The following RBMS3 variants were observed in gnomAD, a reference collection of about 807,000 sequenced individuals.
RBMS3 encodes the protein RNA binding motif single stranded interacting protein 3.
RBMS3 carries 27 observed loss-of-function variants against 66.8 expected under a neutral mutation model. The ratio of observed to expected loss-of-function variants is 0.40; its 90% CI spans 0.30 to 0.56. The LOEUF (loss-of-function observed/expected upper bound fraction) is 0.56. Among genes scored for constraint, RBMS3 ranks in the 20% least tolerant of loss-of-function variants. The pLI, the probability that RBMS3 is intolerant of heterozygous loss-of-function variation, is 0.40. For missense variants in RBMS3, 513 were observed against 549.5 expected (o/e 0.93, Z 0.66); for synonymous variants, 188 against 183.0 (o/e 1.03, Z -0.22).
chr3:29,322,718 A>T (rs2035080555), intron 1 of RBMS3, among the ~76,000 whole-genome samples: 1 of 152,022 alleles, frequency 6.6e-6, no homozygotes, highest in East Asian at 1.9e-4. Flanking sequence ...GGATTTGTGG[A>T]TGGTTCCTTG....
intron 10 of RBMS3, among the ~76,000 whole-genome samples, chr3:29,925,941 A>G (rs745728193): frequency 1.3e-5 from 2 of 152,220 alleles, no homozygotes; most frequent in Non-Finnish European, 2.9e-5. Context: ...TAAAACATGT[A>G]ACTAAGTTTC....
chr3:29,699,696 AT>A (rs1394962913), intron 4 of RBMS3, among the ~76,000 whole-genome samples: 1 of 152,192 alleles, frequency 6.6e-6, no homozygotes, highest in Non-Finnish European at 1.5e-5. Context: ...TCCGCATAGT[AT>A]GGTAATATTA....
intron 1 of RBMS3, among the ~76,000 whole-genome samples, chr3:29,308,971 A>G (rs2034203896): frequency 1.3e-5 from 2 of 151,722 alleles, no homozygotes; most frequent in Admixed American, 6.6e-5. Context: ...ACATTGGTTA[A>G]GACAGTAGAG....
At chr3:29,792,537 A>G (rs1000299257) in intron 6 of RBMS3, among the ~76,000 whole-genome samples, 3 of 152,174 alleles carry the variant, frequency 2.0e-5, no homozygotes, top group African/African-American at 7.2e-5. Context: ...CAGACTATCT[A>G]GATCAGAATC....
chr3:29,378,326 G>A (rs1165496774), intron 1 of RBMS3, among the ~76,000 whole-genome samples: 2 of 151,888 alleles, frequency 1.3e-5, no homozygotes, highest in African/African-American at 2.4e-5. Flanking sequence ...CAAAAAATTA[G>A]CCGGGGGTGG....
chr3:29,477,174 C>T (rs1390492249), intron 2 of RBMS3, among the ~76,000 whole-genome samples: 1 of 152,008 alleles, frequency 6.6e-6, no homozygotes, highest in South Asian at 2.1e-4. Context: ...ACTCTGTTTT[C>T]GTTTGACCCT....
intron 10 of RBMS3, 150 bp from the exon 11 acceptor site, chr3:29,935,936 C>T: frequency 1.6e-6 from 1 of 615,224 alleles, no homozygotes; most frequent in Non-Finnish European, 2.8e-6. Context: ...CATGAATGGA[C>T]ATAAAAATTA....
At chr3:29,765,189 C>A (rs376758031) in intron 6 of RBMS3, among the ~76,000 whole-genome samples, 14 of 151,914 alleles carry the variant, frequency 9.2e-5, no homozygotes, top group Middle Eastern at 3.5e-3. Flanking sequence ...TAGTAATTTG[C>A]CCTTGTTGAG....
intron 2 of RBMS3, among the ~76,000 whole-genome samples, chr3:29,461,065 C>T (rs897586989): frequency 1.3e-5 from 2 of 152,166 alleles, no homozygotes; most frequent in African/African-American, 4.8e-5. Context: ...CAAAATAGTT[C>T]ACAAATTTTA....
chr3:29,942,143 T>A (rs1317716373), intron 11 of RBMS3, among the ~76,000 whole-genome samples: 1 of 151,800 alleles, frequency 6.6e-6, no homozygotes, highest in Non-Finnish European at 1.5e-5. Context: ...CCATAATCCA[T>A]CCATAAACCA....
intron 4 of RBMS3, among the ~76,000 whole-genome samples, chr3:29,637,093 CAAAATTTGTTTCAGCAGGAAGCA>C (rs1388906897): frequency 6.6e-6 from 1 of 151,880 alleles, no homozygotes; most frequent in Non-Finnish European, 1.5e-5. Context: ...TGATGCCACT[CAAAATTTGTTTCAGCAGGAAGCA>C]ACACTTTCCA....
intron 2 of RBMS3, among the ~76,000 whole-genome samples, chr3:29,437,781 A>G (rs2041455952): frequency 6.6e-6 from 1 of 152,212 alleles, no homozygotes; most frequent in African/African-American, 2.4e-5. Flanking sequence ...CCCATATACA[A>G]AATAATGGAT....
At chr3:29,802,939 C>T (rs912347291) in intron 6 of RBMS3, among the ~76,000 whole-genome samples, 3 of 152,126 alleles carry the variant, frequency 2.0e-5, no homozygotes, top group African/African-American at 7.2e-5. Context: ...AAAACACAGA[C>T]TCTTGATCGA....
At chr3:29,341,554 A>G (rs1324881208) in intron 1 of RBMS3, among the ~76,000 whole-genome samples, 1 of 151,954 alleles carries the variant, frequency 6.6e-6, no homozygotes, top group African/African-American at 2.4e-5. Context: ...TTGACCAGCA[A>G]GGTTATTAAA....
rs115128849 is a variant in RBMS3 at position 29,384,260 on chromosome 3, G to A, written c.76-50483G>A. 8.6e-3 allele frequency among the ~76,000 whole-genome samples: 1,308 copies of A among 152,182 alleles called. 13 individuals are homozygous for A. Among genetic ancestry groups the A allele is most frequent in the Middle Eastern group, 0.031 (9 of 292 alleles). On this transcript the variant is annotated intron_variant, in intron 1 of 14. Coordinates refer to ENST00000383767, the MANE Select transcript of RBMS3 (RefSeq NM_001003793.3). The stretch of plus-strand genomic sequence containing the variant: ...GAACCCGGGAGGTTGAGGCTGCTGT[G>A]AGCCGTGATCGCACCACTATACTCC...
At chr3:29,304,927 A>AAT (rs1400853043) in intron 1 of RBMS3, among the ~76,000 whole-genome samples, 1 of 151,840 alleles carries the variant, frequency 6.6e-6, no homozygotes, top group Non-Finnish European at 1.5e-5. Flanking sequence ...CTACCATAAC[A>AAT]ATATATATCC....
intron 6 of RBMS3, among the ~76,000 whole-genome samples, chr3:29,808,231 A>G (rs2057619891): frequency 6.6e-6 from 1 of 151,904 alleles, no homozygotes; most frequent in African/African-American, 2.4e-5. Flanking sequence ...ATACCTCTGT[A>G]GCTGAGCATC....
At chr3:29,433,324 G>A (rs1181202139) in intron 1 of RBMS3, among the ~76,000 whole-genome samples, 2 of 152,078 alleles carry the variant, frequency 1.3e-5, no homozygotes, top group African/African-American at 2.4e-5. Context: ...ATCTTCAGAT[G>A]AGAACCCAGC....
At chr3:29,855,617 A>G (rs1376042995) in intron 6 of RBMS3, among the ~76,000 whole-genome samples, 1 of 152,226 alleles carries the variant, frequency 6.6e-6, no homozygotes, top group Non-Finnish European at 1.5e-5. Context: ...TAGGTAAGAA[A>G]GCCTTCCTGA....
Sources: gnomAD v4.1 joint callset for allele counts (sites outside exome capture counted in the v4.1 genomes callset) on GRCh38, gnomAD v4.1.1 for gene constraint, MANE v1.5 for transcripts, NCBI Gene and HGNC (gene_info 2026-07-23, HGNC 2026-07-21) for gene names.